The following MAPK10 variants were observed in gnomAD, a reference collection of about 807,000 sequenced individuals.
MAPK10 encodes the protein mitogen-activated protein kinase 10.
A neutral mutation model predicts 59.3 loss-of-function variants in MAPK10; 25 were observed. The observed-to-expected ratio is 0.42, with a 90% confidence interval of 0.31 to 0.59. The LOEUF is 0.59. MAPK10 is among the 20% of genes least tolerant of loss of function. MAPK10 has a pLI of 0.15. For synonymous variants in MAPK10, 190 were observed against 200.5 expected (o/e 0.95, Z 0.44); for missense variants, 351 against 568.9 (o/e 0.62, Z 3.90).
At chr4:86,074,754 G>A (rs912125550) in intron 9 of MAPK10, among the ~76,000 whole-genome samples, 14 of 134,628 alleles carry the variant, frequency 1.0e-4, no homozygotes, top group Non-Finnish European at 1.8e-4. Context: ...GGTTTCTGCC[G>A]AGAGATCCGC....
intron 2 of MAPK10, among the ~76,000 whole-genome samples, chr4:86,287,493 G>A (rs2095057469): frequency 6.6e-6 from 1 of 152,126 alleles, no homozygotes; most frequent in East Asian, 1.9e-4. Context: ...AAACACAGCT[G>A]CCATCGTTTT....
chr4:86,181,611 T>C (rs549901655), intron 3 of MAPK10, among the ~76,000 whole-genome samples: 5 of 152,200 alleles, frequency 3.3e-5, no homozygotes, highest in African/African-American at 1.2e-4. Context: ...AGCAAACACA[T>C]TTCTACTTAG....
chr4:86,309,609 C>T (rs1324410255), intron 2 of MAPK10, among the ~76,000 whole-genome samples: 2 of 152,064 alleles, frequency 1.3e-5, no homozygotes, highest in African/African-American at 4.8e-5. Flanking sequence ...AAAGTATGCC[C>T]CCAGAGCCAA....
chr4:86,128,168 A>G (rs1338095325), intron 4 of MAPK10, among the ~76,000 whole-genome samples: 1 of 152,056 alleles, frequency 6.6e-6, no homozygotes, highest in Admixed American at 6.6e-5. Flanking sequence ...ATAATGAATA[A>G]TTTTTTTAGT....
At chr4:86,061,434 T>A (rs1049103454) in intron 11 of MAPK10, among the ~76,000 whole-genome samples, 6 of 152,190 alleles carry the variant, frequency 3.9e-5, no homozygotes, top group African/African-American at 1.4e-4. Context: ...TTCAAAATAT[T>A]TATGTACTAT....
At chr4:86,475,546 C>T (rs1036649651) in intron 1 of MAPK10, among the ~76,000 whole-genome samples, 2 of 152,114 alleles carry the variant, frequency 1.3e-5, no homozygotes, top group East Asian at 1.9e-4. Flanking sequence ...AAAACTCTGG[C>T]GCCGGTCACG....
intron 11 of MAPK10, among the ~76,000 whole-genome samples, chr4:86,036,323 A>T (rs2040287875): frequency 6.6e-6 from 1 of 152,128 alleles, no homozygotes; most frequent in Non-Finnish European, 1.5e-5. Flanking sequence ...GTAGAAAAAG[A>T]TCCTCAACAC....
In MAPK10 at chr4:86,502,205, C is replaced by G. The variant is rs575839320; in HGVS notation, c.-263+91705G>C. On this transcript the variant is annotated intron_variant, in intron 1 of 4. Transcript: ENST00000502302. ...TGTGTTGTGACTCATACATTTACAA[C>G]TTGGATGTCCCCAAAATAGTAACCA... Among the ~76,000 whole-genome samples, 36 of 152,054 alleles carry G rather than the reference C, an allele frequency of 2.4e-4. No homozygotes were observed. In the South Asian group the frequency reaches 6.6e-3, roughly 28 times the overall value.
At chr4:86,393,070 T>G (rs1742451789) in intron 1 of MAPK10, among the ~76,000 whole-genome samples, 1 of 152,342 alleles carries the variant, frequency 6.6e-6, no homozygotes, top group East Asian at 1.9e-4. Flanking sequence ...ACTTGCCAGA[T>G]TTAATGAGGA....
chr4:86,047,677 C>A (rs1156959026), intron 11 of MAPK10, among the ~76,000 whole-genome samples: 3 of 152,108 alleles, frequency 2.0e-5, no homozygotes, highest in Non-Finnish European at 1.5e-5. Flanking sequence ...TACACGCATG[C>A]TGGGTTGCAA....
chr4:86,534,685 C>T (rs1758099218), intron 1 of MAPK10, among the ~76,000 whole-genome samples: 1 of 152,072 alleles, frequency 6.6e-6, no homozygotes, highest in Non-Finnish European at 1.5e-5. Context: ...GCAGGCCCAT[C>T]ACCTGAGGTC....
intron 1 of MAPK10, among the ~76,000 whole-genome samples, chr4:86,381,174 G>A (rs77151555): frequency 0.025 from 3,815 of 152,242 alleles, 174 homozygotes; most frequent in African/African-American, 0.086. Flanking sequence ...ATTCCAACCT[G>A]GTAATGGCTT....
intron 2 of MAPK10, among the ~76,000 whole-genome samples, chr4:86,311,241 T>G (rs1401823570): frequency 1.3e-5 from 2 of 152,082 alleles, no homozygotes; most frequent in Non-Finnish European, 2.9e-5. Context: ...GATAAAATAC[T>G]AAGGAGGAGA....
chr4:86,471,786 TC>T (rs1177028731), intron 1 of MAPK10, among the ~76,000 whole-genome samples: 3 of 152,314 alleles, frequency 2.0e-5, no homozygotes, highest in East Asian at 3.9e-4. Context: ...TCCTTTTTTT[TC>T]AACAAAGAGA....
At chr4:86,326,775 C>CA (rs2096032226) in intron 2 of MAPK10, 1 of 152,154 alleles carries the variant, frequency 6.6e-6, no homozygotes, top group Admixed American at 6.6e-5. Flanking sequence ...AAATGGAACA[C>CA]ACAGTTTATG....
intron 4 of MAPK10, among the ~76,000 whole-genome samples, chr4:86,108,951 C>G (rs1187843953): frequency 6.6e-6 from 1 of 152,148 alleles, no homozygotes; most frequent in Non-Finnish European, 1.5e-5. Flanking sequence ...CATCACTTGT[C>G]AGATGTGGTT....
At position 86,198,404 on chromosome 4, in the gene MAPK10, G is replaced by C. The variant is rs181508039; in HGVS notation, c.-6-3997C>G. 1.2e-3 allele frequency among the ~76,000 whole-genome samples: 181 copies of C among 152,156 alleles called. 1 individual carries two copies. Among genetic ancestry groups the C allele is most frequent in the Non-Finnish European group, 1.8e-3 (120 of 67,994 alleles). On this transcript the variant is annotated intron_variant, in intron 2 of 13. Coordinates refer to ENST00000641462, the MANE Select transcript of MAPK10 (RefSeq NM_138982.4). ...ACTGGGGCCCGAGGAACTGACATGA[G>C]TTCTGACATTCTAACTGCTGCTATT...
chr4:86,187,905 C>T (rs2078675657), intron 3 of MAPK10, among the ~76,000 whole-genome samples: 1 of 152,058 alleles, frequency 6.6e-6, no homozygotes, highest in Non-Finnish European at 1.5e-5. Context: ...TCTCCTAATT[C>T]TATCCCTCTC....
At chr4:86,044,109 A>C (rs1463128542) in intron 11 of MAPK10, among the ~76,000 whole-genome samples, 1 of 152,194 alleles carries the variant, frequency 6.6e-6, no homozygotes, top group African/African-American at 2.4e-5. Flanking sequence ...GGGGCTCTTG[A>C]AATGCTGTTA....
Sources: gnomAD v4.1 joint callset for allele counts (sites outside exome capture counted in the v4.1 genomes callset) on GRCh38, gnomAD v4.1.1 for gene constraint, MANE v1.5 for transcripts, NCBI Gene and HGNC (gene_info 2026-07-23, HGNC 2026-07-21) for gene names.